The following NYAP2 variants were observed in gnomAD, a reference collection of about 807,000 sequenced individuals.
The protein encoded by NYAP2 is neuronal tyrosine-phosphorylated phosphoinositide-3-kinase adaptor 2.
A neutral mutation model predicts 50.4 loss-of-function variants in NYAP2; 23 were observed. That is an observed-to-expected ratio of 0.46 (90% confidence interval 0.33 to 0.65). The LOEUF is 0.65. Ranked by LOEUF, NYAP2 falls within the 30% of genes least tolerant of loss-of-function variation. The pLI is 0.02. For synonymous variants in NYAP2, 394 were observed against 365.2 expected (o/e 1.08, Z -0.90); for missense variants, 885 against 861.0 (o/e 1.03, Z -0.35).
At chr2:225,513,075 T>G (rs1206421377) in intron 3 of NYAP2, among the ~76,000 whole-genome samples, 1 of 152,180 alleles carries the variant, frequency 6.6e-6, no homozygotes, top group African/African-American at 2.4e-5. Context: ...ATCTGAGTCA[T>G]AGTCATGGAA....
At chr2:225,579,535 T>G (rs1406608161) in intron 4 of NYAP2, among the ~76,000 whole-genome samples, 1 of 152,220 alleles carries the variant, frequency 6.6e-6, no homozygotes, top group Non-Finnish European at 1.5e-5. Context: ...TTTTTTCTGT[T>G]TCTTTTGGCA....
chr2:225,545,036 A>T (rs10175663), intron 4 of NYAP2, among the ~76,000 whole-genome samples: 3 of 152,082 alleles, frequency 2.0e-5, no homozygotes, highest in Middle Eastern at 3.4e-3. Context: ...ATAAGATTTC[A>T]ACTGAAACAT....
chr2:225,696,726 T>C, the NYAP2 span, among the ~76,000 whole-genome samples: 1 of 151,942 alleles, frequency 6.6e-6, no homozygotes, highest in African/African-American at 2.4e-5. Context: ...TATACATACA[T>C]TGAGAGGCAG....
the NYAP2 span, among the ~76,000 whole-genome samples, chr2:225,694,478 A>AAAG: frequency 6.6e-6 from 1 of 151,980 alleles, no homozygotes; most frequent in Admixed American, 6.6e-5. Context: ...AACAAAAAAT[A>AAAG]ATATTTAGAT....
chr2:225,678,642 TA>T, the NYAP2 span, among the ~76,000 whole-genome samples: 2 of 152,260 alleles, frequency 1.3e-5, no homozygotes, highest in Admixed American at 1.3e-4. Context: ...AGAGTAAAAA[TA>T]AAAAGACTTT....
At chr2:225,690,388 G>A in the NYAP2 span, among the ~76,000 whole-genome samples, 1 of 151,898 alleles carries the variant, frequency 6.6e-6, no homozygotes. Context: ...CCAGCTCTAC[G>A]TTATATCAAT....
chr2:225,448,916 G>A (rs138777458), intron 3 of NYAP2, among the ~76,000 whole-genome samples: 317 of 152,288 alleles, frequency 2.1e-3, no homozygotes, highest in African/African-American at 7.1e-3. Context: ...TCTGGTGAGC[G>A]AAAAGGACAC....
intron 6 of NYAP2, among the ~76,000 whole-genome samples, chr2:225,633,554 T>C (rs1693356810): frequency 6.6e-6 from 1 of 152,230 alleles, no homozygotes; most frequent in Non-Finnish European, 1.5e-5. Flanking sequence ...TCTTGAAACT[T>C]GAAGCCCTTT....
intron 4 of NYAP2, among the ~76,000 whole-genome samples, chr2:225,552,469 T>A (rs929992055): frequency 3.3e-5 from 5 of 152,216 alleles, no homozygotes; most frequent in African/African-American, 1.2e-4. Flanking sequence ...TATTTGGAGA[T>A]GAGGCCTTTG....
At chr2:225,567,041 T>C (rs1431265564) in intron 4 of NYAP2, among the ~76,000 whole-genome samples, 1 of 152,126 alleles carries the variant, frequency 6.6e-6, no homozygotes, top group Admixed American at 6.6e-5. Flanking sequence ...TAGAGTGTAC[T>C]TACCCAAACC....
chr2:225,661,106 C>A, the NYAP2 span, among the ~76,000 whole-genome samples: 9 of 152,132 alleles, frequency 5.9e-5, no homozygotes, highest in Admixed American at 4.6e-4. Flanking sequence ...TTCTTGATTT[C>A]TTTTGTTTTC....
At chr2:225,500,369 A>G (rs531470624) in intron 3 of NYAP2, among the ~76,000 whole-genome samples, 1 of 152,290 alleles carries the variant, frequency 6.6e-6, no homozygotes, top group East Asian at 1.9e-4. Context: ...ACAGTGTTTT[A>G]TTTTGCTTCC....
the NYAP2 span, among the ~76,000 whole-genome samples, chr2:225,679,208 G>C: frequency 2.8e-4 from 42 of 148,624 alleles, no homozygotes; most frequent in African/African-American, 1.0e-3. Context: ...CTTTATTTGA[G>C]AAAAAAAAGG....
intron 4 of NYAP2, among the ~76,000 whole-genome samples, chr2:225,528,675 T>C (rs1476824577): frequency 1.3e-5 from 2 of 152,204 alleles, no homozygotes; most frequent in Non-Finnish European, 2.9e-5. Context: ...CCTAAATCCC[T>C]AGAGAGTTGT....
At chr2:225,551,138 A>G (rs976983724) in intron 4 of NYAP2, among the ~76,000 whole-genome samples, 1 of 152,208 alleles carries the variant, frequency 6.6e-6, no homozygotes, top group Non-Finnish European at 1.5e-5. Context: ...TTATTTTAGA[A>G]AATAGAAGAA....
chr2:225,446,180 CTCTG>C (rs60541469), intron 3 of NYAP2, among the ~76,000 whole-genome samples: 23 of 79,214 alleles, frequency 2.9e-4, no homozygotes, highest in African/African-American at 8.2e-4. Flanking sequence ...GACTCCATCT[CTCTG>C]TCTGTCTGTC....
the NYAP2 span, among the ~76,000 whole-genome samples, chr2:225,695,300 G>T: frequency 6.6e-6 from 1 of 151,370 alleles, no homozygotes; most frequent in East Asian, 1.9e-4. Context: ...TATATTAAAG[G>T]GAATTAAGTA....
At chr2:225,411,415 G>C (rs985226283) in intron 3 of NYAP2, among the ~76,000 whole-genome samples, 2 of 151,952 alleles carry the variant, frequency 1.3e-5, no homozygotes, top group African/African-American at 2.4e-5. Flanking sequence ...CGTAACTGAT[G>C]GGGGGGCAGG....
chr2:225,538,772 C>CTT (rs1351742546), intron 4 of NYAP2, among the ~76,000 whole-genome samples: 1 of 102,296 alleles, frequency 9.8e-6, no homozygotes, highest in Non-Finnish European at 2.0e-5. Context: ...CTTTTCTTTT[C>CTT]TTTTCTTTTC....
Sources: allele counts gnomAD v4.1 joint callset (sites outside exome capture counted in the v4.1 genomes callset), GRCh38; gene constraint gnomAD v4.1.1; transcripts MANE v1.5; gene names NCBI Gene and HGNC (gene_info 2026-07-23, HGNC 2026-07-21).